Variants in ZNF521 observed in about 807,000 individuals in gnomAD.
ZNF521 encodes zinc finger protein 521.
A neutral mutation model predicts 105.5 loss-of-function variants in ZNF521; 14 were observed. The ratio of observed to expected loss-of-function variants is 0.13; its 90% confidence interval spans 0.09 to 0.21. The LOEUF is 0.21. Ranked by LOEUF, ZNF521 falls within the 10% of genes least tolerant of loss-of-function variation. The pLI, the probability that ZNF521 is intolerant of heterozygous loss-of-function variation, is 1.00. For missense variants in ZNF521, 1,233 were observed against 1,629.7 expected (o/e 0.76, Z 4.19); for synonymous variants, 635 against 606.0 (o/e 1.05, Z -0.70).
chr18:25,280,417 A>G (rs1910291244), intron 3 of ZNF521, among the ~76,000 whole-genome samples: 1 of 150,034 alleles, frequency 6.7e-6, no homozygotes, highest in African/African-American at 2.5e-5. Context: ...GGGATGTAAA[A>G]AATTAAAAAA....
chr18:25,351,913 AGCG>A, intron 1 of ZNF521, 89 bp downstream of exon 1: 2 of 282,448 alleles, frequency 7.1e-6, no homozygotes, highest in Non-Finnish European at 7.2e-6. Context: ...CGGCGGCGGC[AGCG>A]GCGGCGAGAG....
intron 5 of ZNF521, among the ~76,000 whole-genome samples, chr18:25,122,245 C>G (rs1375182189): frequency 6.6e-6 from 1 of 151,788 alleles, no homozygotes; most frequent in African/African-American, 2.4e-5. Flanking sequence ...CAAAATGAAA[C>G]AGAGAGACAA....
Position 25,174,242 on chromosome 18 carries a change from G to T in ZNF521, c.3658+20918C>A, listed in dbSNP as rs539044617. ...ACATTTTTGGGATGAACACTTCTCC[G>T]TGACAGTTTCCTTTCGAGGAGCACT... On this transcript the variant is annotated intron_variant, in intron 5 of 7. Coordinates refer to ENST00000361524, the MANE Select transcript of ZNF521 (RefSeq NM_015461.3). Among the ~76,000 whole-genome samples the T allele has an allele frequency of 3.9e-5, 6 of 152,134 alleles. No individual in the cohort carries two copies. In the East Asian group the frequency reaches 9.7e-4, roughly 24 times the overall value.
intron 3 of ZNF521, among the ~76,000 whole-genome samples, chr18:25,232,099 A>G (rs1600187451): frequency 6.6e-6 from 1 of 152,230 alleles, no homozygotes; most frequent in South Asian, 2.1e-4. Context: ...ATTTACATCA[A>G]TGGTTACTTT....
At chr18:25,150,877 T>TTTTTTTC (rs1217537641) in intron 5 of ZNF521, among the ~76,000 whole-genome samples, 3 of 149,100 alleles carry the variant, frequency 2.0e-5, no homozygotes, top group African/African-American at 7.3e-5. Context: ...TCCAGCTCTT[T>TTTTTTTC]TTTTTTCTTT....
At chr18:25,277,921 T>C (rs1300272899) in intron 3 of ZNF521, among the ~76,000 whole-genome samples, 2 of 152,156 alleles carry the variant, frequency 1.3e-5, no homozygotes, top group Non-Finnish European at 2.9e-5. Context: ...ATTAATGTAC[T>C]GGTAGATTTC....
intron 4 of ZNF521, among the ~76,000 whole-genome samples, chr18:25,219,625 G>A (rs1426313543): frequency 2.6e-5 from 4 of 152,042 alleles, no homozygotes; most frequent in African/African-American, 7.2e-5. Context: ...AGCTGGTCTT[G>A]AACTCCTCAC....
rs767586901 is a variant in ZNF521, at chr18:25,352,071, C to T, written c.-68G>A. 8.1e-6 allele frequency: 4 copies of T among 496,864 alleles called. No homozygotes were observed. In the East Asian group the frequency reaches 2.4e-4, roughly 30 times the overall value. 30.8% of individuals were successfully genotyped at this position (496,864 alleles called of 1,614,324 possible). On this transcript the variant is annotated 5_prime_UTR_variant, in exon 1 of 8. Transcript: ENST00000361524. ...TAATAATGGAAAATGGAAGCAAGGCCCCCAAAGCCATCAGGATGGCTCCAG... is the reference window on the plus strand; with the variant it reads ...TAATAATGGAAAATGGAAGCAAGGCTCCCAAAGCCATCAGGATGGCTCCAG...
intron 5 of ZNF521, among the ~76,000 whole-genome samples, chr18:25,124,361 T>C (rs2034499355): frequency 6.6e-6 from 1 of 152,120 alleles, no homozygotes; most frequent in Admixed American, 6.5e-5. Flanking sequence ...TTTTTCTCCT[T>C]AGCTTACTGG....
intron 5 of ZNF521, among the ~76,000 whole-genome samples, chr18:25,140,114 TGAAAG>T (rs1443097529): frequency 6.6e-6 from 1 of 152,124 alleles, no homozygotes; most frequent in Non-Finnish European, 1.5e-5. Context: ...AGACACCGGG[TGAAAG>T]GAGACCATGG....
chr18:25,226,160 T>A lies in ZNF521; in HGVS notation c.1758A>T (p.Lys586Asn). The change falls in exon 4 of 8, where the codon AAA (lysine) becomes AAT (asparagine). Residue 586 changes from lysine (K) to asparagine (N), a missense_variant. By Grantham distance (94) the Lys-to-Asn change is moderately conservative. Transcript: ENST00000361524. This position sits in a 1 kb window ranked among gnomAD's most constrained non-coding sequence, Gnocchi z 4.1. Reference protein sequence around the residue: ...KLNKHIKENHKNIPLALNYIH... With the variant: ...KLNKHIKENHNNIPLALNYIH... ...TATAATTCAGGGCCAAGGGAATGTTTTTATGATTCTCTTTGATATGCTTGT... is the reference window on the plus strand; with the variant it reads ...TATAATTCAGGGCCAAGGGAATGTTATTATGATTCTCTTTGATATGCTTGT... The A allele has an allele frequency of 6.2e-7, 1 of 1,614,212 alleles. No individual in the cohort carries two copies. The highest frequency in any genetic ancestry group is 8.5e-7 in the Non-Finnish European group (1 of 1,180,034).
intron 5 of ZNF521, among the ~76,000 whole-genome samples, chr18:25,180,994 AGG>A (rs1217610022): frequency 6.6e-6 from 1 of 152,126 alleles, no homozygotes; most frequent in Non-Finnish European, 1.5e-5. Flanking sequence ...CTATTTCAGC[AGG>A]TTTACTCCAG....
chr18:25,152,273 G>A (rs1409421432), intron 5 of ZNF521, among the ~76,000 whole-genome samples: 2 of 152,096 alleles, frequency 1.3e-5, no homozygotes, highest in East Asian at 3.9e-4. Flanking sequence ...GAGGTCAGGA[G>A]TTTGAGACCA....
chr18:25,227,561 CG>C lies in ZNF521; in HGVS notation c.356del (p.Pro119ArgfsTer15), dbSNP rs763038628. On this transcript the variant is annotated frameshift_variant, in exon 4 of 8. Transcript: ENST00000361524. LOFTEE classifies it high-confidence loss of function. The surrounding 1 kb of genome is among the most constrained non-coding windows in gnomAD (Gnocchi z 5.7). ...TAAACGACTTGTCACAGAATTGACA[CG>C]GGTATGGAAGCCCAGGGCCACCTTC... ...EEEGGPGLPY[P>X]CQFCDKSFSR... 6.2e-7 allele frequency: 1 copy of C among 1,614,028 alleles called. No homozygotes were observed. Among genetic ancestry groups the C allele is most frequent in the Non-Finnish European group, 8.5e-7 (1 of 1,180,040 alleles).
At chr18:25,171,997 C>T (rs1461908491) in intron 5 of ZNF521, among the ~76,000 whole-genome samples, 1 of 151,592 alleles carries the variant, frequency 6.6e-6, no homozygotes, top group Admixed American at 6.6e-5. Context: ...TTGATACACA[C>T]CATATGATAT....
chr18:25,236,621 C>T (rs995067758), intron 3 of ZNF521, among the ~76,000 whole-genome samples: 10 of 151,994 alleles, frequency 6.6e-5, no homozygotes, highest in African/African-American at 2.4e-4. Flanking sequence ...TACAGTAGGG[C>T]CAATCACTAA....
rs1252507332 is a variant in ZNF521 at position 25,224,867 on chromosome 18, C to T, written c.3051G>A (p.Leu1017=). The change falls in exon 4 of 8, where the codon CTG becomes CTA. Residue 1017 remains leucine (L), a synonymous_variant. Transcript: ENST00000361524. ...CQMHPDLRNS[L]TGFRCVVCMQ... ...TGCACACCACGCAGCGAAAGCCTGT[C>T]AGGGAATTCCTCAAGTCAGGGTGCA... The T allele has an allele frequency of 6.2e-7, 1 of 1,613,906 alleles. No homozygotes were observed. Among genetic ancestry groups the T allele is most frequent in the Non-Finnish European group, 8.5e-7 (1 of 1,180,038 alleles).
intron 5 of ZNF521, among the ~76,000 whole-genome samples, chr18:25,104,165 C>T (rs548077575): frequency 1.4e-3 from 211 of 152,126 alleles, no homozygotes; most frequent in African/African-American, 4.9e-3. Context: ...AATTTTTAAT[C>T]CCCTATCTTT....
At chr18:25,103,164 C>A (rs1452789462) in intron 5 of ZNF521, among the ~76,000 whole-genome samples, 1 of 151,950 alleles carries the variant, frequency 6.6e-6, no homozygotes, top group Admixed American at 6.6e-5. Context: ...TTTTATCTCC[C>A]TAGATGGTGC....
Sources: allele counts gnomAD v4.1 joint callset (sites outside exome capture counted in the v4.1 genomes callset), GRCh38; gene constraint gnomAD v4.1.1; non-coding constraint Gnocchi (gnomAD v3.1); transcripts MANE v1.5; gene names NCBI Gene and HGNC (gene_info 2026-07-23, HGNC 2026-07-21).